Variants in FSTL4 observed in about 807,000 individuals in gnomAD.
The protein encoded by FSTL4 is follistatin like 4, also known as follistatin-related protein 4.
Under a neutral mutation model 78.2 loss-of-function variants are expected in FSTL4, and 28 were observed. That is an observed-to-expected ratio of 0.36 (90% CI 0.27 to 0.49). The LOEUF (loss-of-function observed/expected upper bound fraction) is 0.49. Ranked by LOEUF, FSTL4 falls within the 20% of genes least tolerant of loss-of-function variation. The pLI, the probability that FSTL4 is intolerant of heterozygous loss-of-function variation, is 0.98. For synonymous variants in FSTL4, 422 were observed against 440.5 expected, an observed-to-expected ratio of 0.96 and a Z score of 0.53; for missense variants, 922 against 1,084.9, an observed-to-expected ratio of 0.85 and a Z score of 2.11.
intron 4 of FSTL4, among the ~76,000 whole-genome samples, chr5:133,389,234 C>T (rs1755780119): frequency 6.6e-6 from 1 of 152,178 alleles, no homozygotes; most frequent in Admixed American, 6.5e-5. Context: ...AGCCAGCTTC[C>T]CTTTCATTCG....
At chr5:133,631,438 C>T in the FSTL4 span, among the ~76,000 whole-genome samples, 1 of 152,044 alleles carries the variant, frequency 6.6e-6, no homozygotes, top group Admixed American at 6.6e-5. Flanking sequence ...CAAATCAAAA[C>T]CACAATGAGA....
chr5:133,298,655 A>T (rs1260388332), intron 6 of FSTL4, among the ~76,000 whole-genome samples: 2 of 152,360 alleles, frequency 1.3e-5, no homozygotes, highest in East Asian at 3.9e-4. Flanking sequence ...GACTTCAAAG[A>T]CCATGTCTGT....
the FSTL4 span, among the ~76,000 whole-genome samples, chr5:133,682,353 G>A: frequency 6.6e-6 from 1 of 152,308 alleles, no homozygotes; most frequent in South Asian, 2.1e-4. Flanking sequence ...CCATCTCACT[G>A]CATTGTTATT....
intron 3 of FSTL4, among the ~76,000 whole-genome samples, chr5:133,401,800 G>A (rs1201582307): frequency 6.6e-6 from 1 of 152,176 alleles, no homozygotes; most frequent in Non-Finnish European, 1.5e-5. Flanking sequence ...CAGCCGCCCT[G>A]TGGGTGGCAT....
chr5:133,472,880 G>C (rs533794353), intron 3 of FSTL4, among the ~76,000 whole-genome samples: 1 of 152,352 alleles, frequency 6.6e-6, no homozygotes, highest in African/African-American at 2.4e-5. Flanking sequence ...TGTGTAGCAG[G>C]GGTTGGAGGG....
chr5:133,535,341 C>G (rs970986863), intron 3 of FSTL4, among the ~76,000 whole-genome samples: 4 of 152,202 alleles, frequency 2.6e-5, no homozygotes, highest in African/African-American at 9.7e-5. Context: ...GCCATAACGC[C>G]CAAGCTGGAA....
intron 3 of FSTL4, among the ~76,000 whole-genome samples, chr5:133,478,043 G>A (rs1393007144): frequency 6.6e-6 from 1 of 152,148 alleles, no homozygotes; most frequent in Admixed American, 6.5e-5. Context: ...TTTCACTGTG[G>A]TACATATCGT....
At chr5:133,816,088 T>A in the FSTL4 span, among the ~76,000 whole-genome samples, 7 of 152,096 alleles carry the variant, frequency 4.6e-5, no homozygotes, top group Admixed American at 2.6e-4. Flanking sequence ...ACAAGTAGGA[T>A]CTTCATTCAT....
chr5:133,639,177 C>T, the FSTL4 span, among the ~76,000 whole-genome samples: 1 of 152,046 alleles, frequency 6.6e-6, no homozygotes, highest in South Asian at 2.1e-4. Flanking sequence ...CTCCCTGTGT[C>T]CATCATTCTC....
intron 3 of FSTL4, among the ~76,000 whole-genome samples, chr5:133,496,988 G>T (rs574857304): frequency 6.6e-6 from 1 of 152,138 alleles, no homozygotes; most frequent in Non-Finnish European, 1.5e-5. Context: ...GTCCCCTAGG[G>T]GTACCTGGGC....
intron 4 of FSTL4, among the ~76,000 whole-genome samples, chr5:133,395,648 A>T (rs1054552871): frequency 1.3e-5 from 2 of 151,852 alleles, no homozygotes; most frequent in Non-Finnish European, 2.9e-5. Context: ...TTTATCCCCA[A>T]CTATGCTCTC....
chr5:133,255,283 G>C (rs1162965690), intron 6 of FSTL4, among the ~76,000 whole-genome samples: 2 of 152,244 alleles, frequency 1.3e-5, no homozygotes, highest in African/African-American at 4.8e-5. Flanking sequence ...CAGGGAGCTT[G>C]TCTGGCACTA....
the FSTL4 span, among the ~76,000 whole-genome samples, chr5:133,840,941 A>T: frequency 1.3e-5 from 2 of 152,226 alleles, no homozygotes; most frequent in African/African-American, 2.4e-5. Flanking sequence ...TCCAGGTTTG[A>T]TGGAGGCAGA....
At chr5:133,343,844 TA>T (rs1754640926) in intron 4 of FSTL4, among the ~76,000 whole-genome samples, 1 of 147,610 alleles carries the variant, frequency 6.8e-6, no homozygotes, top group South Asian at 2.1e-4. Context: ...TGGGTGGTAA[TA>T]AATATCAAAG....
rs145851591 is a variant in FSTL4 at position 133,281,600 on chromosome 5, T to G, written c.727+31054A>C. ...GGACTCTTCTATGATTTGGGCTGAA[T>G]AGCTGGAACCAGAGAATAAAAGTGG... On this transcript the variant is annotated intron_variant, in intron 6 of 15. Transcript: ENST00000265342. Among the ~76,000 whole-genome samples the G allele has an allele frequency of 5.5e-4, 83 of 152,170 alleles. 1 individual carries two copies. The highest frequency in any genetic ancestry group is 2.0e-3 in the African/African-American group (83 of 41,516).
the FSTL4 span, among the ~76,000 whole-genome samples, chr5:133,821,071 C>G: frequency 6.6e-6 from 1 of 152,202 alleles, no homozygotes; most frequent in Non-Finnish European, 1.5e-5. Flanking sequence ...TTAATACAAA[C>G]TATCTCATAG....
At chr5:133,749,606 T>C in the FSTL4 span, among the ~76,000 whole-genome samples, 1 of 152,210 alleles carries the variant, frequency 6.6e-6, no homozygotes, top group African/African-American at 2.4e-5. Flanking sequence ...TAATAACATG[T>C]TCACATTTTG....
At chr5:133,700,162 T>TCACACTGAACCACCACACC in the FSTL4 span, among the ~76,000 whole-genome samples, 1 of 146,070 alleles carries the variant, frequency 6.8e-6, no homozygotes, top group African/African-American at 2.6e-5. Flanking sequence ...ACCACCACAC[T>TCACACTGAACCACCACACC]GAACCACCAC....
the FSTL4 span, among the ~76,000 whole-genome samples, chr5:133,683,398 T>C: frequency 6.6e-6 from 1 of 152,154 alleles, no homozygotes; most frequent in Non-Finnish European, 1.5e-5. Context: ...ATAATAAATA[T>C]AGACAAACGG....
Sources: allele counts gnomAD v4.1 joint callset (sites outside exome capture counted in the v4.1 genomes callset), GRCh38; gene constraint gnomAD v4.1.1; transcripts MANE v1.5; gene names NCBI Gene and HGNC (gene_info 2026-07-23, HGNC 2026-07-21).